The following AGBL2 variants were observed in gnomAD, a reference collection of about 807,000 sequenced individuals.
The protein encoded by AGBL2 is AGBL carboxypeptidase 2.
In AGBL2, 87 loss-of-function variants were observed where a neutral mutation model predicts 103.0. That is an observed-to-expected ratio of 0.84 (90% CI 0.71 to 1.01). The LOEUF is 1.01. Among genes scored for constraint, AGBL2 ranks in the 50% least tolerant of loss-of-function variants. The pLI is 0.00. For synonymous variants in AGBL2, 335 were observed against 356.7 expected (o/e 0.94, Z 0.69); for missense variants, 904 against 1,023.5 (o/e 0.88, Z 1.59).
chr11:47,668,358 G>A (rs189736744), intron 15 of AGBL2, among the ~76,000 whole-genome samples: 26 of 151,994 alleles, frequency 1.7e-4, no homozygotes, highest in Admixed American at 2.6e-4. Context: ...TTAGCCGGGC[G>A]TGGTGGCATG....
In AGBL2 at chr11:47,705,615, GC is replaced by G; in HGVS notation, c.305del (p.Gly102AlafsTer28). 1.9e-6 allele frequency: 1 copy of G among 518,172 alleles called. No homozygotes were observed. The highest frequency in any genetic ancestry group is 3.4e-6 in the Non-Finnish European group (1 of 293,220). The allele number at this position is 518,172 out of a possible 1,614,324, so 32.1% of individuals were successfully genotyped here. A position where few individuals can be genotyped will look rare whatever the true frequency, so the allele number is the denominator to read the frequency against. On this transcript the variant is annotated frameshift_variant, in exon 6 of 19. Transcript: ENST00000525123. LOFTEE classifies it high-confidence loss of function. ...AGCTGAGGCCGCGCCACTGCATCCA[GC>G]CCAGGCAAGAGTGAAAGTCTGTGTC... ...AINRDFHSCL[G>X]WMQWRGLSSL...
chr11:47,712,934 T>A lies in AGBL2; in HGVS notation c.97+1350A>T, dbSNP rs112774347. ...CTGTAATCCCAGCTACCTGGGTACT[T>A]GGGAGGCTGAGGCAGGAAAATCGCT... is the stretch of plus-strand genomic sequence containing the variant. On this transcript the variant is annotated intron_variant, in intron 3 of 18. Transcript: ENST00000525123. Among the ~76,000 whole-genome samples the A allele has an allele frequency of 1.8e-3, 276 of 151,786 alleles. 1 individual carries two copies. The highest frequency in any genetic ancestry group is 6.3e-3 in the African/African-American group (262 of 41,330).
At chr11:47,696,010 C>CAAAAA (rs1171058500) in intron 8 of AGBL2, among the ~76,000 whole-genome samples, 7 of 17,220 alleles carry the variant, frequency 4.1e-4, no homozygotes, top group Non-Finnish European at 4.6e-4. Flanking sequence ...ACTAAAAATA[C>CAAAAA]AAAAAAAAAA....
In AGBL2 at chr11:47,686,062, C is replaced by A; in HGVS notation, c.1632-13G>T. 1 of 1,612,654 alleles carries A rather than the reference C, an allele frequency of 6.2e-7. No individual in the cohort carries two copies. Among genetic ancestry groups the A allele is most frequent in the Non-Finnish European group, 8.5e-7 (1 of 1,179,564 alleles). On this transcript the variant is annotated splice_polypyrimidine_tract_variant and intron_variant, in intron 10 of 18. Coordinates refer to ENST00000525123, the MANE Select transcript of AGBL2 (RefSeq NM_024783.4). ...TTCTTCAAGAAGTCTATTGAGGGGGCAAACAAAGGACTCAGTGGACACCCA... is the reference window on the plus strand; with the variant it reads ...TTCTTCAAGAAGTCTATTGAGGGGGAAAACAAAGGACTCAGTGGACACCCA...
chr11:47,708,646 T>G (rs1390648384), intron 4 of AGBL2, among the ~76,000 whole-genome samples: 2 of 151,134 alleles, frequency 1.3e-5, no homozygotes, highest in African/African-American at 2.4e-5. Flanking sequence ...AAACCCCGTC[T>G]CTACTAAAAA....
chr11:47,681,581 C>T (rs888119269), intron 12 of AGBL2, among the ~76,000 whole-genome samples: 12 of 152,164 alleles, frequency 7.9e-5, no homozygotes, highest in African/African-American at 2.9e-4. Context: ...GATTCTCCTG[C>T]CTCAACCTCC....
intron 7 of AGBL2, among the ~76,000 whole-genome samples, chr11:47,701,246 G>A (rs7935521): frequency 0.39 from 58,177 of 150,694 alleles, 11,694 homozygotes; most frequent in South Asian, 0.52. Flanking sequence ...CGAAGCGGGC[G>A]GATCATGAGG....
At chr11:47,662,936 T>G (rs1450185414) in intron 18 of AGBL2, 90 bp downstream of exon 18, 12 of 1,113,164 alleles carry the variant, frequency 1.1e-5, no homozygotes, top group Non-Finnish European at 1.6e-5. Flanking sequence ...GGACTGTGCA[T>G]CACCGCCCTC....
At chr11:47,714,247 C>A in intron 3 of AGBL2, 37 bp downstream of exon 3, 1 of 1,553,250 alleles carries the variant, frequency 6.4e-7, no homozygotes, top group South Asian at 1.1e-5. Flanking sequence ...CCTCTTGAGT[C>A]CAGGAAAGGT....
At position 47,660,161 on chromosome 11, in the gene AGBL2, GC is replaced by G; in HGVS notation, c.*11del. On this transcript the variant is annotated 3_prime_UTR_variant, in exon 19 of 19. Coordinates refer to ENST00000525123, the MANE Select transcript of AGBL2 (RefSeq NM_024783.4). The stretch of plus-strand genomic sequence containing the variant: ...CCCGATGAAGTGCTTGTGTGGCACA[GC>G]CCAGGCTCACCTACGGGTATGTGTA... 6 of 1,603,260 alleles carry G rather than the reference GC, an allele frequency of 3.7e-6. No homozygotes were observed. Among genetic ancestry groups the G allele is most frequent in the Non-Finnish European group, 5.1e-6 (6 of 1,174,432 alleles).
At chr11:47,714,964 T>G (rs1397860581) in intron 1 of AGBL2, 6 of 362,062 alleles carry the variant, frequency 1.7e-5, no homozygotes, top group Non-Finnish European at 3.1e-5. Context: ...TCCCTTTCCC[T>G]GAGAAAGGAG....
chr11:47,672,204 G>A (rs895370754), intron 14 of AGBL2, among the ~76,000 whole-genome samples: 19 of 152,052 alleles, frequency 1.2e-4, no homozygotes, highest in African/African-American at 4.6e-4. Flanking sequence ...TCCCATCTCA[G>A]TCTCCCAAAG....
Position 47,699,556 on chromosome 11 carries a change from G to A in AGBL2, c.587-3C>T, listed in dbSNP as rs1242705611. 6.6e-7 allele frequency: 1 copy of A among 1,525,448 alleles called. No individual in the cohort carries two copies. Among genetic ancestry groups the A allele is most frequent in the Non-Finnish European group, 9.0e-7 (1 of 1,112,830 alleles). 94.5% of individuals were successfully genotyped at this position (1,525,448 alleles called of 1,614,324 possible). The stretch of plus-strand genomic sequence containing the variant: ...TTCTGGTTGAGGTGGAGCCCACTCT[G>A]AAAGAAGACATTTTAAAAAGTACAA... On this transcript the variant is annotated splice_polypyrimidine_tract_variant and splice_region_variant and intron_variant, in intron 7 of 18. Transcript: ENST00000525123.
rs11304684 is a variant in AGBL2, at chr11:47,662,495, CTT to C, written c.2535+529_2535+530del. 4.0e-3 allele frequency among the ~76,000 whole-genome samples: 537 copies of C among 134,780 alleles called. 2 individuals are homozygous for C. Among genetic ancestry groups the C allele is most frequent in the Middle Eastern group, 7.7e-3 (2 of 260 alleles). 88.4% of individuals were successfully genotyped at this position (134,780 alleles called of 152,430 possible). A position where few individuals can be genotyped will look rare whatever the true frequency, so the allele number is the denominator to read the frequency against. On this transcript the variant is annotated intron_variant, in intron 18 of 18. Transcript: ENST00000525123. ...GCACCTGACCAAACTTACTCGTTCA[CTT>C]TTTTTTTTTTTTTTAGACGGAGTCG...
At position 47,686,033 on chromosome 11, in the gene AGBL2, C is replaced by T. The variant is rs768938550; in HGVS notation, c.1648G>A (p.Glu550Lys). ...TGGAAATCACAATACAACAGAACCT[C>T]TCTTTCTTCAAGAAGTCTATTGAGG... ...NMIKRLLEER[E>K]VLLYCDFHGH... is the part of the protein sequence containing the mutation. Residue 550 changes from glutamate (E) to lysine (K), a missense_variant, in exon 11 of 19, where the codon GAG (glutamate) becomes AAG (lysine). By Grantham distance (56) the Glu-to-Lys change is moderately conservative. Transcript: ENST00000525123. 5.6e-6 allele frequency: 9 copies of T among 1,613,808 alleles called. No homozygotes were observed. In the East Asian group the frequency reaches 1.3e-4, roughly 24 times the overall value.
chr11:47,666,008 C>CA (rs2097340304), intron 17 of AGBL2, among the ~76,000 whole-genome samples: 1 of 151,218 alleles, frequency 6.6e-6, no homozygotes, highest in Admixed American at 6.6e-5. Context: ...GACTCTGTCT[C>CA]AAAAAAAGAA....
rs2097522340 is a variant in AGBL2, at chr11:47,706,890, CCAAAAAAAA to C, written c.233-982_233-974del. Among the ~76,000 whole-genome samples, 3 of 53,232 alleles carry C rather than the reference CCAAAAAAAA, an allele frequency of 5.6e-5. No homozygotes were observed. The South Asian group carries it at 1.7e-3, about 30-fold the overall frequency. 34.9% of individuals were successfully genotyped at this position (53,232 alleles called of 152,430 possible). On this transcript the variant is annotated intron_variant, in intron 4 of 18. Coordinates refer to ENST00000525123, the MANE Select transcript of AGBL2 (RefSeq NM_024783.4). The stretch of plus-strand genomic sequence containing the variant: ...ATGGTGAAACCCTGTCTCTACTATT[CCAAAAAAAA>C]AAAAAAAAAAAAAAGAATTAGCCGG...
intron 13 of AGBL2, among the ~76,000 whole-genome samples, chr11:47,678,338 A>ATTATTTTTTTTTTT (rs1565026654): frequency 9.0e-4 from 86 of 95,122 alleles, no homozygotes; most frequent in East Asian, 2.2e-3. Context: ...TTATTTTATT[A>ATTATTTTTTTTTTT]TTTTATTTTT....
intron 14 of AGBL2, among the ~76,000 whole-genome samples, chr11:47,672,345 C>A (rs1033861025): frequency 6.6e-6 from 1 of 151,402 alleles, no homozygotes. Flanking sequence ...GACAGGGTCT[C>A]GCTGTGTCGC....
Sources: gnomAD v4.1 joint callset for allele counts (sites outside exome capture counted in the v4.1 genomes callset) on GRCh38, gnomAD v4.1.1 for gene constraint, MANE v1.5 for transcripts, NCBI Gene and HGNC (gene_info 2026-07-23, HGNC 2026-07-21) for gene names.